The following HELQ variants were observed in gnomAD, a reference collection of about 807,000 sequenced individuals.
HELQ encodes helicase, POLQ like.
A neutral mutation model predicts 111.6 loss-of-function variants in HELQ; 77 were observed. The ratio of observed to expected loss-of-function variants is 0.69; its 90% CI spans 0.57 to 0.83. The LOEUF (loss-of-function observed/expected upper bound fraction) is 0.83, where lower values mean the gene tolerates loss of function less well. Ranked by LOEUF, HELQ falls within the 40% of genes least tolerant of loss-of-function variation. The probability of loss-of-function intolerance (pLI) is 0.00; values close to 1 mark genes in which losing one functional copy is unlikely to be tolerated. For synonymous variants in HELQ, 438 were observed against 454.7 expected (o/e 0.96, Z 0.47); for missense variants, 1,200 against 1,288.5 (o/e 0.93, Z 1.05).
intron 8 of HELQ, 94 bp downstream of exon 8, chr4:83,439,769 G>A: frequency 1.2e-6 from 1 of 817,100 alleles, no homozygotes. Flanking sequence ...ATGATGTTTT[G>A]CAAGGCATAA....
chr4:83,446,597 C>T (rs1241281371), intron 4 of HELQ, among the ~76,000 whole-genome samples: 3 of 152,168 alleles, frequency 2.0e-5, no homozygotes, highest in East Asian at 1.9e-4. Context: ...TGAGCCACCA[C>T]GCCCAGCCAA....
chr4:83,428,836 T>A (rs1719982980), intron 12 of HELQ, among the ~76,000 whole-genome samples: 1 of 141,524 alleles, frequency 7.1e-6, no homozygotes, highest in Non-Finnish European at 1.5e-5. Context: ...ATAATATAAA[T>A]GATTATTTGT....
chr4:83,452,939 G>C (rs1721475149), intron 2 of HELQ, among the ~76,000 whole-genome samples: 1 of 152,076 alleles, frequency 6.6e-6, no homozygotes, highest in Admixed American at 6.5e-5. Context: ...ACCAGAATCT[G>C]ACTTGCTAAC....
chr4:83,413,226 CAGAGA>C (rs1220387759), intron 17 of HELQ, among the ~76,000 whole-genome samples: 1 of 152,132 alleles, frequency 6.6e-6, no homozygotes, highest in Admixed American at 6.6e-5. Flanking sequence ...TGACTGAACC[CAGAGA>C]AGAGGTTGAG....
At chr4:83,408,283 T>G (rs1738896857) in intron 17 of HELQ, among the ~76,000 whole-genome samples, 1 of 152,048 alleles carries the variant, frequency 6.6e-6, no homozygotes, top group African/African-American at 2.4e-5. Context: ...GACGGAGTCT[T>G]GTTCTGTCGC....
chr4:83,455,591 C>A lies in HELQ; in HGVS notation c.103G>T (p.Val35Leu). The change falls in exon 1 of 18, where the codon GTG (valine) becomes TTG (leucine). Residue 35 changes from valine (V) to leucine (L), a missense_variant. Physicochemically the swap from Val to Leu is conservative, Grantham distance 32. This residue lies in a region of HELQ where 610 missense variants were observed against 607.1 expected (regional missense o/e 1.00). Transcript: ENST00000295488. ...TCCTCTTTCCCCTCATCTCCGGGCA[C>A]GAGCTCGGCCGCGGTGGGAGCGCCA... ...IFGAPTAAEL[V>L]PGDEGKEEEE... 1.2e-6 allele frequency: 2 copies of A among 1,614,150 alleles called. No homozygotes were observed. Among genetic ancestry groups the A allele is most frequent in the Non-Finnish European group, 1.7e-6 (2 of 1,180,012 alleles).
In HELQ at chr4:83,453,935, C is replaced by A. The variant is rs773022824; in HGVS notation, c.308G>T (p.Ser103Ile). 1.2e-6 allele frequency: 2 copies of A among 1,601,962 alleles called. No individual in the cohort carries two copies. Among genetic ancestry groups the A allele is most frequent in the Non-Finnish European group, 1.7e-6 (2 of 1,170,870 alleles). Reference protein sequence around the residue: ...DRGVGDQPNDSEVDMFGDYDS... With the variant: ...DRGVGDQPNDIEVDMFGDYDS... ...ATAGTCACCAAACATGTCCACTTCA[C>A]TGTCATTAGGCTGCAAAGAGAACAA... Residue 103 changes from serine to isoleucine, a missense_variant, in exon 2 of 18, where the codon AGT (serine) becomes ATT (isoleucine). This residue lies in a region of HELQ where 610 missense variants were observed against 607.1 expected (regional missense o/e 1.00). Coordinates refer to ENST00000295488, the MANE Select transcript of HELQ (RefSeq NM_133636.5).
At chr4:83,421,373 A>T (rs1293657029) in intron 15 of HELQ, among the ~76,000 whole-genome samples, 190 bp downstream of exon 15, 2 of 152,244 alleles carry the variant, frequency 1.3e-5, no homozygotes, top group Admixed American at 1.3e-4. Context: ...TGTTACCATA[A>T]GTACATAATA....
intron 8 of HELQ, 49 bp downstream of exon 8, chr4:83,439,814 G>A: frequency 8.2e-7 from 1 of 1,215,256 alleles, no homozygotes; most frequent in African/African-American, 1.6e-5. Flanking sequence ...TACATAGTCT[G>A]TAATTCCTAA....
Position 83,427,693 on chromosome 4 carries a change from A to T in HELQ, c.2546T>A (p.Ile849Asn). ...KGTIDLAYCD[I>N]LYRDLKKGLE... The stretch of plus-strand genomic sequence containing the variant: ...ACCTTTCTTCAAGTCTCTGTACAGA[A>T]TGTCACAATAAGCTAAATCTATAGT... The change falls in exon 13 of 18, where the codon ATT (isoleucine) becomes AAT (asparagine). Residue 849 changes from isoleucine to asparagine, a missense_variant. Ile to Asn is a moderately radical substitution (Grantham distance 149). Coordinates refer to ENST00000295488, the MANE Select transcript of HELQ (RefSeq NM_133636.5). The T allele has an allele frequency of 6.4e-7, 1 of 1,572,690 alleles. No individual in the cohort carries two copies. Among genetic ancestry groups the T allele is most frequent in the Non-Finnish European group, 8.6e-7 (1 of 1,163,860 alleles).
rs1000302713 is a variant in HELQ at position 83,429,703 on chromosome 4, G to A, written c.2339C>T (p.Thr780Ile). ...AACCTTTTGCTGAACACCAAAAAAT[G>A]TACCATTCATGAAATGATAGATGTC... is the stretch of plus-strand genomic sequence containing the variant. ...LDDIYHFMNG[T>I]FFGVQQKVLL... is the part of the protein sequence containing the mutation. The change falls in exon 12 of 18, where the codon ACA becomes ATA. Residue 780 changes from threonine (T) to isoleucine (I), a missense_variant. Physicochemically the swap from Thr to Ile is moderately conservative, Grantham distance 89. Around this residue, in one of 3 missense-constraint regions of HELQ, gnomAD observed 585 missense variants for 665.3 expected, o/e 0.88. Transcript: ENST00000295488. 1.2e-6 allele frequency: 2 copies of A among 1,613,218 alleles called. No homozygotes were observed. Among genetic ancestry groups the A allele is most frequent in the Non-Finnish European group, 1.7e-6 (2 of 1,179,532 alleles).
At chr4:83,423,310 A>G (rs1719642076) in intron 14 of HELQ, among the ~76,000 whole-genome samples, 1 of 151,948 alleles carries the variant, frequency 6.6e-6, no homozygotes, top group South Asian at 2.1e-4. Flanking sequence ...AAAATAAAAT[A>G]TAAAATTATA....
chr4:83,430,140 G>C (rs946928630), intron 11 of HELQ, among the ~76,000 whole-genome samples: 3 of 148,754 alleles, frequency 2.0e-5, no homozygotes, highest in Non-Finnish European at 4.4e-5. Flanking sequence ...ACATCCTTTA[G>C]CTCTAAAAGT....
At chr4:83,455,304 A>G (rs1721699149) in intron 1 of HELQ, 93 bp downstream of exon 1, 1 of 1,544,754 alleles carries the variant, frequency 6.5e-7, no homozygotes, top group Admixed American at 1.9e-5. Flanking sequence ...AACGAAGACG[A>G]GAGAAGTAAA....
At chr4:83,454,007 C>G (rs1721567302) in intron 1 of HELQ, 62 bp from the exon 2 acceptor site, 3 of 1,026,324 alleles carry the variant, frequency 2.9e-6, no homozygotes, top group South Asian at 3.0e-5. Context: ...AAAGCTTCAC[C>G]AGCCTGGCCA....
At chr4:83,411,138 T>G (rs1370190157) in intron 17 of HELQ, among the ~76,000 whole-genome samples, 15 of 120,286 alleles carry the variant, frequency 1.2e-4, no homozygotes, top group African/African-American at 1.7e-4. Flanking sequence ...CCAGTTGGAG[T>G]GAGAGGGAGA....
At chr4:83,445,773 T>C (rs191592226) in intron 5 of HELQ, among the ~76,000 whole-genome samples, 5 of 152,290 alleles carry the variant, frequency 3.3e-5, no homozygotes, top group Non-Finnish European at 7.4e-5. Flanking sequence ...TAAAGAAACA[T>C]AGAGGTTGAG....
rs993812584 is a variant in HELQ at position 83,455,658 on chromosome 4, C to G, written c.36G>C (p.Val12=). Residue 12 remains valine (V), a synonymous_variant, in exon 1 of 18, where the codon GTG becomes GTC. Coordinates refer to ENST00000295488, the MANE Select transcript of HELQ (RefSeq NM_133636.5). ...TTGGACGGTTCCTTTTGGGGAGAGA[C>G]ACCCGCCGGCGGATGCGGGAACCAC... The part of the protein sequence containing the change: ...DECGSRIRRR[V]SLPKRNRPSL... 5 of 1,611,950 alleles carry G rather than the reference C, an allele frequency of 3.1e-6. No individual in the cohort carries two copies. Among genetic ancestry groups the G allele is most frequent in the Middle Eastern group, 3.3e-4 (2 of 6,084 alleles).
chr4:83,412,564 T>C (rs1739160332), intron 17 of HELQ, among the ~76,000 whole-genome samples: 1 of 152,202 alleles, frequency 6.6e-6, no homozygotes, highest in Non-Finnish European at 1.5e-5. Context: ...CAGTGGCTCA[T>C]GTTGTAATCC....
Sources: gnomAD v4.1 joint callset for allele counts (sites outside exome capture counted in the v4.1 genomes callset) on GRCh38, gnomAD v4.1.1 for gene constraint, gnomAD v4.1.1 regional missense constraint, MANE v1.5 for transcripts, NCBI Gene and HGNC (gene_info 2026-07-23, HGNC 2026-07-21) for gene names.